The following PDE3A variants were observed in gnomAD, a reference collection of about 807,000 sequenced individuals.
PDE3A encodes phosphodiesterase 3A, also known as cGMP-inhibited 3',5'-cyclic phosphodiesterase 3A.
In PDE3A, 43 loss-of-function variants were observed where a neutral mutation model predicts 98.3. The ratio of observed to expected loss-of-function variants is 0.44; its 90% CI spans 0.34 to 0.56. PDE3A has a LOEUF of 0.56. Ranked by LOEUF, PDE3A falls within the 20% of genes least tolerant of loss-of-function variation. PDE3A has a pLI of 0.01. For synonymous variants in PDE3A, 663 were observed against 567.9 expected (o/e 1.17, Z -2.38); for missense variants, 1,427 against 1,440.7 (o/e 0.99, Z 0.15).
intron 1 of PDE3A, among the ~76,000 whole-genome samples, chr12:20,530,766 CA>C (rs1946611098): frequency 6.6e-6 from 1 of 152,130 alleles, no homozygotes; most frequent in South Asian, 2.1e-4. Flanking sequence ...GAACAAGGAT[CA>C]TTCAAGTCCT....
chr12:20,426,893 T>A (rs923559320), intron 1 of PDE3A, among the ~76,000 whole-genome samples: 11 of 152,142 alleles, frequency 7.2e-5, no homozygotes, highest in Admixed American at 2.0e-4. Flanking sequence ...AGGAATTAAA[T>A]CCCCCAAAAG....
At chr12:20,673,674 G>T (rs1945551953) in intron 15 of PDE3A, among the ~76,000 whole-genome samples, 1 of 142,360 alleles carries the variant, frequency 7.0e-6, no homozygotes, top group Non-Finnish European at 1.5e-5. Flanking sequence ...CACAGGAAGG[G>T]GAATATCACA....
intron 10 of PDE3A, among the ~76,000 whole-genome samples, chr12:20,643,953 T>C: frequency 6.6e-6 from 1 of 152,102 alleles, no homozygotes; most frequent in East Asian, 1.9e-4. Context: ...GGAATAGATG[T>C]TATCAATTCC....
chr12:20,556,632 T>C lies in PDE3A; in HGVS notation c.961-28T>C, dbSNP rs201590675. On this transcript the variant is annotated intron_variant, in intron 1 of 15. Coordinates refer to ENST00000359062, the MANE Select transcript of PDE3A (RefSeq NM_000921.5). Reference sequence around the variant, plus strand: ...ATGTTTGTCAGGTAAAATAATCATTTAACTTATTATAATTTTCATCTTTCC... The same window carrying C: ...ATGTTTGTCAGGTAAAATAATCATTCAACTTATTATAATTTTCATCTTTCC... The C allele has an allele frequency of 2.6e-5, 37 of 1,448,176 alleles. No individual in the cohort carries two copies. The East Asian group carries it at 7.9e-4, about 31-fold the overall frequency. 89.7% of individuals were successfully genotyped at this position (1,448,176 alleles called of 1,614,324 possible).
At chr12:20,509,264 C>G (rs563179554) in intron 1 of PDE3A, among the ~76,000 whole-genome samples, 1 of 151,994 alleles carries the variant, frequency 6.6e-6, no homozygotes, top group Non-Finnish European at 1.5e-5. Context: ...TAAACAGGAC[C>G]CATAGCATGA....
intron 1 of PDE3A, among the ~76,000 whole-genome samples, chr12:20,392,534 C>CATAA (rs1045970737): frequency 8.7e-4 from 22 of 25,258 alleles, no homozygotes; most frequent in South Asian, 4.1e-3. Flanking sequence ...TAAATAAATA[C>CATAA]ATAAATAAAT....
chr12:20,385,393 G>A (rs1443567501), intron 1 of PDE3A, among the ~76,000 whole-genome samples: 1 of 151,938 alleles, frequency 6.6e-6, no homozygotes, highest in African/African-American at 2.4e-5. Flanking sequence ...ATTCCTCAGG[G>A]ATCTAGAACT....
intron 10 of PDE3A, among the ~76,000 whole-genome samples, chr12:20,643,082 T>A (rs767237337): frequency 6.6e-6 from 1 of 151,834 alleles, no homozygotes; most frequent in Non-Finnish European, 1.5e-5. Context: ...GGGAAAGAGG[T>A]AGGGTGTACC....
At chr12:20,489,801 C>A (rs1305455446) in intron 1 of PDE3A, among the ~76,000 whole-genome samples, 1 of 152,066 alleles carries the variant, frequency 6.6e-6, no homozygotes, top group Non-Finnish European at 1.5e-5. Context: ...GGCTGGGAGA[C>A]ATTGATTGTT....
chr12:20,484,603 G>A (rs1380894331), intron 1 of PDE3A, among the ~76,000 whole-genome samples: 3 of 152,114 alleles, frequency 2.0e-5, no homozygotes, highest in Non-Finnish European at 1.5e-5. Flanking sequence ...CAACATTTCA[G>A]CAATTTTTGA....
chr12:20,588,296 T>C (rs1246397192), intron 2 of PDE3A, among the ~76,000 whole-genome samples: 2 of 152,192 alleles, frequency 1.3e-5, no homozygotes, highest in Non-Finnish European at 2.9e-5. Context: ...GTAGGAGTAA[T>C]GAGGGCTCTG....
intron 1 of PDE3A, among the ~76,000 whole-genome samples, chr12:20,410,291 G>A (rs1046320935): frequency 6.6e-6 from 1 of 152,208 alleles, no homozygotes; most frequent in Non-Finnish European, 1.5e-5. Flanking sequence ...CCCAAGCTGA[G>A]CAGTGAGATT....
chr12:20,521,468 G>A (rs1398966295), intron 1 of PDE3A, among the ~76,000 whole-genome samples: 2 of 152,158 alleles, frequency 1.3e-5, no homozygotes, highest in Non-Finnish European at 2.9e-5. Context: ...TACTGAACAT[G>A]TACACTGTCT....
At chr12:20,640,695 A>G (rs1944627354) in intron 10 of PDE3A, among the ~76,000 whole-genome samples, 1 of 152,124 alleles carries the variant, frequency 6.6e-6, no homozygotes, top group Non-Finnish European at 1.5e-5. Context: ...GTAGCATTTC[A>G]GGAATCATCG....
At chr12:20,661,198 A>G (rs1945162504) in intron 15 of PDE3A, among the ~76,000 whole-genome samples, 1 of 152,132 alleles carries the variant, frequency 6.6e-6, no homozygotes. Context: ...GGAACTTTGA[A>G]CTTCAGAGAG....
intron 1 of PDE3A, among the ~76,000 whole-genome samples, chr12:20,471,249 C>A (rs564301618): frequency 4.6e-5 from 7 of 152,136 alleles, no homozygotes; most frequent in Non-Finnish European, 8.8e-5. Flanking sequence ...TAGAGCGCAA[C>A]CAAATTTTTA....
chr12:20,558,943 G>T (rs1942441741), intron 2 of PDE3A, among the ~76,000 whole-genome samples: 1 of 152,044 alleles, frequency 6.6e-6, no homozygotes, highest in East Asian at 1.9e-4. Context: ...ACTGTGGTGG[G>T]TCTAACTGAA....
intron 2 of PDE3A, among the ~76,000 whole-genome samples, chr12:20,564,572 T>C (rs1942610589): frequency 6.6e-6 from 1 of 152,092 alleles, no homozygotes; most frequent in Non-Finnish European, 1.5e-5. Context: ...ATTTAAGTGA[T>C]TCGCAGGAGG....
At chr12:20,588,989 T>C (rs954730327) in intron 2 of PDE3A, among the ~76,000 whole-genome samples, 9 of 152,258 alleles carry the variant, frequency 5.9e-5, no homozygotes, top group African/African-American at 1.9e-4. Context: ...GTGGCGCCAT[T>C]TGGGCTCCCT....
Sources: gnomAD v4.1 joint callset for allele counts (sites outside exome capture counted in the v4.1 genomes callset) on GRCh38, gnomAD v4.1.1 for gene constraint, MANE v1.5 for transcripts, NCBI Gene and HGNC (gene_info 2026-07-23, HGNC 2026-07-21) for gene names.